The following KCNIP2 variants were observed in gnomAD, a reference collection of about 807,000 sequenced individuals.
KCNIP2 encodes A-type potassium channel modulatory protein KCNIP2.
A neutral mutation model predicts 39.0 loss-of-function variants in KCNIP2; 19 were observed. The ratio of observed to expected loss-of-function variants is 0.49; its 90% CI spans 0.34 to 0.71. KCNIP2 has a LOEUF of 0.71. Ranked by LOEUF, KCNIP2 falls within the 30% of genes least tolerant of loss-of-function variation. The probability of loss-of-function intolerance (pLI) is 0.01; values close to 1 mark genes in which losing one functional copy is unlikely to be tolerated. For synonymous variants in KCNIP2, 111 were observed against 131.2 expected, an observed-to-expected ratio of 0.85 and a Z score of 1.05; for missense variants, 261 against 346.0, an observed-to-expected ratio of 0.75 and a Z score of 1.95.
intron 1 of KCNIP2, among the ~76,000 whole-genome samples, chr10:101,835,863 A>T (rs1564670099): frequency 6.6e-6 from 1 of 152,258 alleles, no homozygotes; most frequent in Non-Finnish European, 1.5e-5. Context: ...GCATACTATT[A>T]TCCTCATATT....
rs1272977566 is a variant in KCNIP2 at position 101,828,496 on chromosome 10, G to C, written c.419-37C>G. 2 of 1,609,376 alleles carry C rather than the reference G, an allele frequency of 1.2e-6. No individual in the cohort carries two copies. The highest frequency in any genetic ancestry group is 3.3e-5 in the Admixed American group (2 of 59,784). On this transcript the variant is annotated intron_variant, in intron 5 of 9. Transcript: ENST00000356640. This position sits in a 1 kb window ranked among gnomAD's most constrained non-coding sequence, Gnocchi z 6.6. ...GTGTGGAGAAGTTGGCTTCCACACA[G>C]GAGAGGACTTCCTCCCTCTAAGGAG...
At chr10:101,835,347 T>C (rs1036387173) in intron 1 of KCNIP2, among the ~76,000 whole-genome samples, 11 of 152,030 alleles carry the variant, frequency 7.2e-5, no homozygotes, top group African/African-American at 2.2e-4. Context: ...GGGGATAAGA[T>C]ACAGTAGTAG....
At chr10:101,832,304 G>C (rs1190728672) in intron 1 of KCNIP2, among the ~76,000 whole-genome samples, 1 of 87,532 alleles carries the variant, frequency 1.1e-5, no homozygotes, top group Non-Finnish European at 2.6e-5. Flanking sequence ...TACTGTGTGT[G>C]TGTGTGTGTG....
chr10:101,843,646 C>T lies in KCNIP2; in HGVS notation c.-78G>A. ...CGGGATAGGGCGCTCACACGGCGCC[C>T]CCTGGCGGCCTACTGTGCTGTCGGG... On this transcript the variant is annotated 5_prime_UTR_variant, in exon 1 of 10. Coordinates refer to ENST00000356640, the MANE Select transcript of KCNIP2 (RefSeq NM_173191.3). The surrounding 1 kb of genome is among the most constrained non-coding windows in gnomAD (Gnocchi z 6.7). 1 of 767,936 alleles carries T rather than the reference C, an allele frequency of 1.3e-6. No individual in the cohort carries two copies. Among genetic ancestry groups the T allele is most frequent in the Non-Finnish European group, 2.0e-6 (1 of 511,460 alleles). The allele number at this position is 767,936 out of a possible 1,614,324, so 47.6% of individuals were successfully genotyped here.
rs750175005 is a variant in KCNIP2 at position 101,827,302 on chromosome 10, T to G, written c.*51A>C. 1.3e-6 allele frequency: 2 copies of G among 1,552,118 alleles called. No individual in the cohort carries two copies. Among genetic ancestry groups the G allele is most frequent in the Non-Finnish European group, 1.7e-6 (2 of 1,144,864 alleles). On this transcript the variant is annotated 3_prime_UTR_variant, in exon 10 of 10. Coordinates refer to ENST00000356640, the MANE Select transcript of KCNIP2 (RefSeq NM_173191.3). ...AGAGAAGGGTGAGGTCCGCCTGGAC[T>G]AGGGTTAGAGCATGGTCCCCCCAGG...
chr10:101,835,269 G>A (rs1219033670), intron 1 of KCNIP2, among the ~76,000 whole-genome samples: 1 of 152,160 alleles, frequency 6.6e-6, no homozygotes, highest in African/African-American at 2.4e-5. Context: ...GGTTGCCATG[G>A]AGACTGTGAG....
intron 1 of KCNIP2, among the ~76,000 whole-genome samples, chr10:101,839,030 T>TA (rs778511637): frequency 1.1e-4 from 17 of 152,122 alleles, no homozygotes; most frequent in Admixed American, 6.6e-5. Flanking sequence ...TCACGAAGGC[T>TA]ACACAACCAA....
At chr10:101,839,923 C>G (rs1443980271) in intron 1 of KCNIP2, 1 of 1,382,122 alleles carries the variant, frequency 7.2e-7, no homozygotes, top group East Asian at 2.6e-5. Context: ...GGTAGGCCCG[C>G]GTGGGCGGCG....
At chr10:101,831,219 G>T in intron 1 of KCNIP2, 52 bp from the exon 2 acceptor site, 2 of 1,338,768 alleles carry the variant, frequency 1.5e-6, no homozygotes, top group Non-Finnish European at 2.1e-6. Context: ...TTGTCCCTCT[G>T]TTCCCTGTCC....
In KCNIP2 at chr10:101,827,894, A is replaced by C; in HGVS notation, c.697T>G (p.Phe233Val). 6 of 1,612,462 alleles carry C rather than the reference A, an allele frequency of 3.7e-6. No homozygotes were observed. Among genetic ancestry groups the C allele is most frequent in the Non-Finnish European group, 5.1e-6 (6 of 1,178,458 alleles). ...GCCTACCCACTCCCAAGTACCTGGAAGAAGCTCTCCACGTGTTCCCTTGGG... is the reference window on the plus strand; with the variant it reads ...GCCTACCCACTCCCAAGTACCTGGACGAAGCTCTCCACGTGTTCCCTTGGG... ...EAPREHVESF[F>V]QKMDRNKDGV... Residue 233 changes from phenylalanine to valine, a missense_variant, in exon 8 of 10, where the codon TTC (phenylalanine) becomes GTC (valine). Phe to Val is a conservative substitution (Grantham distance 50). Coordinates refer to ENST00000356640, the MANE Select transcript of KCNIP2 (RefSeq NM_173191.3).
chr10:101,827,956 A>C lies in KCNIP2; in HGVS notation c.635T>G (p.Met212Arg). The C allele has an allele frequency of 6.2e-7, 1 of 1,614,106 alleles. No individual in the cohort carries two copies. ...LDIMKSIYDM[M>R]GKYTYPALRE... ...GAGTGCAGGGTACGTGTACTTGCCC[A>C]TCATGTCATAGATGGACTTCATGAT... Residue 212 changes from methionine (M) to arginine (R), a missense_variant, in exon 8 of 10, where the codon ATG becomes AGG. By Grantham distance (91) the Met-to-Arg change is moderately conservative. Coordinates refer to ENST00000356640, the MANE Select transcript of KCNIP2 (RefSeq NM_173191.3).
chr10:101,828,324 G>T lies in KCNIP2; in HGVS notation c.489+65C>A, dbSNP rs552442032. ...TTCACCCAACTCCTTCTCTGGGTTT[G>T]GCCTGGAGATCCTGGCCCTGAACTC... On this transcript the variant is annotated intron_variant, in intron 6 of 9. Coordinates refer to ENST00000356640, the MANE Select transcript of KCNIP2 (RefSeq NM_173191.3). This position sits in a 1 kb window ranked among gnomAD's most constrained non-coding sequence, Gnocchi z 6.6. 5.6e-6 allele frequency: 9 copies of T among 1,610,018 alleles called. No homozygotes were observed. In the South Asian group the frequency reaches 7.7e-5, roughly 14 times the overall value.
rs1270973912 is a variant in KCNIP2, at chr10:101,830,744, C to T, written c.169+328G>A. Among the ~76,000 whole-genome samples, 4 of 145,520 alleles carry T rather than the reference C, an allele frequency of 2.7e-5. No individual in the cohort carries two copies. The East Asian group carries it at 8.3e-4, about 30-fold the overall frequency. ...GCCTGGGGCACGCCCCTCCCCCACACGCAGGCGTGCGGCACGCCTCCCCAT... is the reference window on the plus strand; with the variant it reads ...GCCTGGGGCACGCCCCTCCCCCACATGCAGGCGTGCGGCACGCCTCCCCAT... On this transcript the variant is annotated intron_variant, in intron 2 of 9. Coordinates refer to ENST00000356640, the MANE Select transcript of KCNIP2 (RefSeq NM_173191.3).
At chr10:101,830,298 C>A in intron 2 of KCNIP2, 1 of 832,996 alleles carries the variant, frequency 1.2e-6, no homozygotes, top group Admixed American at 4.1e-5. Context: ...AATACCCTGG[C>A]GTCTGGAGGA....
Position 101,843,372 on chromosome 10 carries a change from G to A in KCNIP2, c.73+124C>T, listed in dbSNP as rs921292456. On this transcript the variant is annotated intron_variant, in intron 1 of 9. Coordinates refer to ENST00000356640, the MANE Select transcript of KCNIP2 (RefSeq NM_173191.3). This position sits in a 1 kb window ranked among gnomAD's most constrained non-coding sequence, Gnocchi z 6.7. ...CCCCAGTGTCCTGCCGCCCAGACCGGCCATAAGAGTGCCTGGGAATGGGGC... is the reference window on the plus strand; with the variant it reads ...CCCCAGTGTCCTGCCGCCCAGACCGACCATAAGAGTGCCTGGGAATGGGGC... The A allele has an allele frequency of 9.2e-6, 5 of 541,888 alleles. No individual in the cohort carries two copies. The highest frequency in any genetic ancestry group is 1.5e-5 in the Non-Finnish European group (5 of 334,666). 33.6% of individuals were successfully genotyped at this position (541,888 alleles called of 1,614,324 possible).
In KCNIP2 at chr10:101,838,959, C is replaced by T. The variant is rs1000616254; in HGVS notation, c.73+4537G>A. ...AGATGTGCATACACCTCAGCAGTGC[C>T]GTGGGATACTCAACAATCCACACCT... On this transcript the variant is annotated intron_variant, in intron 1 of 9. Transcript: ENST00000356640. The surrounding 1 kb of genome is among the most constrained non-coding windows in gnomAD (Gnocchi z 4.0). Among the ~76,000 whole-genome samples the T allele has an allele frequency of 1.3e-5, 2 of 152,136 alleles. No homozygotes were observed. Among genetic ancestry groups the T allele is most frequent in the South Asian group, 2.1e-4 (1 of 4,832 alleles).
intron 1 of KCNIP2, chr10:101,839,931 G>T (rs1376765063): frequency 3.5e-5 from 45 of 1,284,542 alleles, no homozygotes; most frequent in Non-Finnish European, 4.7e-5. Flanking sequence ...CGCGTGGGCG[G>T]CGCGGGAGGG....
intron 2 of KCNIP2, chr10:101,830,394 G>C: frequency 7.8e-7 from 1 of 1,284,528 alleles, no homozygotes; most frequent in Non-Finnish European, 1.0e-6. Flanking sequence ...GTGGGGAAGG[G>C]GGCGGCCGCA....
At chr10:101,836,650 C>T (rs936550526) in intron 1 of KCNIP2, among the ~76,000 whole-genome samples, 13 of 152,066 alleles carry the variant, frequency 8.5e-5, no homozygotes, top group African/African-American at 3.1e-4. Flanking sequence ...GGCAACATGG[C>T]GAAACTCTGT....
Sources: gnomAD v4.1 joint callset for allele counts (sites outside exome capture counted in the v4.1 genomes callset) on GRCh38, gnomAD v4.1.1 for gene constraint, Gnocchi (gnomAD v3.1) non-coding constraint, MANE v1.5 for transcripts, NCBI Gene and HGNC (gene_info 2026-07-23, HGNC 2026-07-21) for gene names.